TNKS2: variants seen among roughly 807,000 people sequenced by gnomAD.
TNKS2 encodes tankyrase 2, also known as poly [ADP-ribose] polymerase tankyrase-2.
TNKS2 carries 72 observed loss-of-function variants against 137.6 expected under a neutral mutation model. That is an observed-to-expected ratio of 0.52 (90% confidence interval 0.43 to 0.64). The LOEUF (loss-of-function observed/expected upper bound fraction) is 0.64, where lower values mean the gene tolerates loss of function less well. Ranked by LOEUF, TNKS2 falls within the 30% of genes least tolerant of loss-of-function variation. The probability of loss-of-function intolerance (pLI) is 0.00; values close to 1 mark genes in which losing one functional copy is unlikely to be tolerated. For synonymous variants in TNKS2, 516 were observed against 512.1 expected, an observed-to-expected ratio of 1.01 and a Z score of -0.10; for missense variants, 1,049 against 1,410.2, an observed-to-expected ratio of 0.74 and a Z score of 4.10.
chr10:91,801,479 TC>T (rs1282094139), intron 1 of TNKS2, among the ~76,000 whole-genome samples: 2 of 131,750 alleles, frequency 1.5e-5, no homozygotes, highest in Non-Finnish European at 3.3e-5. Flanking sequence ...CAGGAATTTT[TC>T]TTTTTTTTTT....
At chr10:91,817,275 A>G (rs1384369038) in intron 3 of TNKS2, 46 bp downstream of exon 3, 3 of 1,448,514 alleles carry the variant, frequency 2.1e-6, no homozygotes, top group East Asian at 2.4e-5. Context: ...GTAAAGAACA[A>G]CCTTGCCAGG....
In TNKS2 at chr10:91,824,060, A is replaced by T. The variant is rs528025050; in HGVS notation, c.795+1698A>T. 5.9e-5 allele frequency among the ~76,000 whole-genome samples: 9 copies of T among 152,326 alleles called. No homozygotes were observed. In the South Asian group the frequency reaches 1.9e-3, roughly 32 times the overall value. Reference sequence around the variant, plus strand: ...TTGCACTTGGACTTAAAGACAACTGAGTGGTACTTTCCTAAGACCTAGTAT... The same window carrying T: ...TTGCACTTGGACTTAAAGACAACTGTGTGGTACTTTCCTAAGACCTAGTAT... On this transcript the variant is annotated intron_variant, in intron 7 of 26. Coordinates refer to ENST00000371627, the MANE Select transcript of TNKS2 (RefSeq NM_025235.4).
At chr10:91,807,299 A>G (rs1315926406) in intron 1 of TNKS2, 37 of 1,613,748 alleles carry the variant, frequency 2.3e-5, no homozygotes, top group Non-Finnish European at 2.9e-5. Flanking sequence ...ACACCAAACA[A>G]ACTAAATCAT....
At chr10:91,809,396 G>A (rs964936909) in intron 1 of TNKS2, among the ~76,000 whole-genome samples, 2 of 152,088 alleles carry the variant, frequency 1.3e-5, no homozygotes, top group Non-Finnish European at 2.9e-5. Context: ...GCTGGGCGCG[G>A]TGGCTCACGC....
At chr10:91,839,581 C>T (rs1376017876) in intron 13 of TNKS2, among the ~76,000 whole-genome samples, 1 of 152,164 alleles carries the variant, frequency 6.6e-6, no homozygotes, top group Non-Finnish European at 1.5e-5. Context: ...CATGAGCCAC[C>T]ACGTTCAGCC....
chr10:91,844,619 A>G (rs1352721996), intron 16 of TNKS2, among the ~76,000 whole-genome samples: 10 of 152,228 alleles, frequency 6.6e-5, no homozygotes, highest in Non-Finnish European at 1.3e-4. Flanking sequence ...GGAAAGATAC[A>G]AGCAAATCAG....
Position 91,822,377 on chromosome 10 carries a change from A to G in TNKS2, c.795+15A>G. 6.3e-7 allele frequency: 1 copy of G among 1,590,874 alleles called. No homozygotes were observed. The highest frequency in any genetic ancestry group is 8.6e-7 in the Non-Finnish European group (1 of 1,159,600). ...TTTTGGTCAAGGTTAGTGCTCTTGT[A>G]CTCTCCTAATTACTTTCTAGAGTTA... On this transcript the variant is annotated intron_variant, in intron 7 of 26. Coordinates refer to ENST00000371627, the MANE Select transcript of TNKS2 (RefSeq NM_025235.4).
At chr10:91,828,683 A>G (rs1190351447) in intron 9 of TNKS2, among the ~76,000 whole-genome samples, 1 of 152,236 alleles carries the variant, frequency 6.6e-6, no homozygotes, top group Non-Finnish European at 1.5e-5. Flanking sequence ...CATAAGTGAT[A>G]CATATAGTTT....
At position 91,822,200 on chromosome 10, in the gene TNKS2, TTAAGTA is replaced by T. The variant is rs141683786; in HGVS notation, c.729-89_729-84del. On this transcript the variant is annotated intron_variant, in intron 6 of 26. Transcript: ENST00000371627. ...GAACATCACATAATCCATTTGCTAT[TTAAGTA>T]TAAGTAATTAAATAAATTTTAATTT... 518 of 944,140 alleles carry T rather than the reference TTAAGTA, an allele frequency of 5.5e-4. 2 individuals are homozygous for T. The African/African-American group carries it at 7.8e-3, about 14-fold the overall frequency. The allele number at this position is 944,140 out of a possible 1,614,324, so 58.5% of individuals were successfully genotyped here. A position where few individuals can be genotyped will look rare whatever the true frequency, so the allele number is the denominator to read the frequency against.
intron 9 of TNKS2, among the ~76,000 whole-genome samples, chr10:91,829,800 G>A (rs776420527): frequency 9.2e-5 from 14 of 152,158 alleles, no homozygotes; most frequent in Admixed American, 1.3e-4. Context: ...TAAAATCAAA[G>A]AACAGATTTC....
intron 9 of TNKS2, among the ~76,000 whole-genome samples, chr10:91,830,191 T>G (rs1434085051): frequency 6.6e-6 from 1 of 152,132 alleles, no homozygotes; most frequent in African/African-American, 2.4e-5. Context: ...CCAAACAGAA[T>G]CCAGAGCTGA....
In TNKS2 at chr10:91,861,990, G is replaced by T. The variant is rs369814253; in HGVS notation, c.3282-9G>T. 2 of 1,596,756 alleles carry T rather than the reference G, an allele frequency of 1.3e-6. No individual in the cohort carries two copies. Among genetic ancestry groups the T allele is most frequent in the East Asian group, 4.5e-5 (2 of 44,004 alleles). On this transcript the variant is annotated splice_polypyrimidine_tract_variant and intron_variant, in intron 25 of 26. Transcript: ENST00000371627. Reference sequence around the variant, plus strand: ...ACTTCAGGGTGATCTTTTCCTTTTCGTTTTATAGGCAGCTGCTCTTTTGCC... The same window carrying T: ...ACTTCAGGGTGATCTTTTCCTTTTCTTTTTATAGGCAGCTGCTCTTTTGCC...
chr10:91,861,551 GA>G (rs1262745394), intron 25 of TNKS2, among the ~76,000 whole-genome samples: 1 of 152,184 alleles, frequency 6.6e-6, no homozygotes, highest in Non-Finnish European at 1.5e-5. Flanking sequence ...ATATTTCAGT[GA>G]TTTGACTTAA....
intron 13 of TNKS2, 142 bp downstream of exon 13, chr10:91,837,140 C>A: frequency 1.5e-6 from 1 of 683,718 alleles, no homozygotes. Flanking sequence ...TAATTGTTCT[C>A]TACAAATGAG....
At chr10:91,807,389 A>G (rs1844358796) in intron 1 of TNKS2, 1 of 1,614,140 alleles carries the variant, frequency 6.2e-7, no homozygotes, top group Non-Finnish European at 8.5e-7. Flanking sequence ...CAGCGAGGTA[A>G]AGCTTCTCGG....
chr10:91,806,681 C>A (rs1358069156), intron 1 of TNKS2, among the ~76,000 whole-genome samples: 1 of 152,172 alleles, frequency 6.6e-6, no homozygotes, highest in Non-Finnish European at 1.5e-5. Context: ...TAATTAGGTA[C>A]ACAGTATGTA....
intron 9 of TNKS2, among the ~76,000 whole-genome samples, chr10:91,829,096 C>T (rs1845155737): frequency 6.6e-6 from 1 of 152,086 alleles, no homozygotes; most frequent in South Asian, 2.1e-4. Context: ...GAATGTGCTT[C>T]AGGTGAGAGA....
At chr10:91,842,776 A>T (rs970824452) in intron 16 of TNKS2, among the ~76,000 whole-genome samples, 1 of 151,966 alleles carries the variant, frequency 6.6e-6, no homozygotes, top group African/African-American at 2.4e-5. Flanking sequence ...AAAAATAAAA[A>T]AAATAAATAA....
intron 19 of TNKS2, 146 bp from the exon 20 acceptor site, chr10:91,849,365 CT>C (rs1842475191): frequency 2.1e-6 from 1 of 480,410 alleles, no homozygotes; most frequent in African/African-American, 2.0e-5. Flanking sequence ...AATTTTGTAG[CT>C]TTCTCTTGTT....
Sources: gnomAD v4.1 joint callset for allele counts (sites outside exome capture counted in the v4.1 genomes callset) on GRCh38, gnomAD v4.1.1 for gene constraint, MANE v1.5 for transcripts, NCBI Gene and HGNC (gene_info 2026-07-23, HGNC 2026-07-21) for gene names.